SCLT1: variants seen among roughly 807,000 people sequenced by gnomAD.
The protein encoded by SCLT1 is sodium channel and clathrin linker 1.
SCLT1 carries 78 observed loss-of-function variants against 112.8 expected under a neutral mutation model. The ratio of observed to expected loss-of-function variants is 0.69; its 90% CI spans 0.58 to 0.83. The LOEUF (loss-of-function observed/expected upper bound fraction) is 0.83. Among genes scored for constraint, SCLT1 ranks in the 40% least tolerant of loss-of-function variants. The pLI is 0.00. For synonymous variants in SCLT1, 257 were observed against 254.7 expected (o/e 1.01, Z -0.09); for missense variants, 747 against 770.4 (o/e 0.97, Z 0.36).
chr4:129,010,802 T>A (rs532982150), intron 5 of SCLT1, among the ~76,000 whole-genome samples: 1 of 152,330 alleles, frequency 6.6e-6, no homozygotes, highest in South Asian at 2.1e-4. Context: ...AAGTTGTTTG[T>A]CAGTTTAAGA....
At chr4:128,974,136 G>A (rs1740943521) in intron 9 of SCLT1, among the ~76,000 whole-genome samples, 1 of 152,096 alleles carries the variant, frequency 6.6e-6, no homozygotes, top group Non-Finnish European at 1.5e-5. Flanking sequence ...AAATTTTACT[G>A]TAGTTTATAC....
At chr4:128,931,650 G>A (rs1213383207) in intron 18 of SCLT1, among the ~76,000 whole-genome samples, 1 of 152,028 alleles carries the variant, frequency 6.6e-6, no homozygotes, top group Admixed American at 6.6e-5. Flanking sequence ...TTTTAGTAGG[G>A]ACAGGGTTTC....
At chr4:129,059,752 C>T (rs530373154) in intron 2 of SCLT1, among the ~76,000 whole-genome samples, 35 of 152,266 alleles carry the variant, frequency 2.3e-4, no homozygotes, top group African/African-American at 7.7e-4. Context: ...TGACTTGCTG[C>T]TTACCTCTGG....
intron 18 of SCLT1, among the ~76,000 whole-genome samples, chr4:128,901,110 A>C (rs4975279): frequency 6.6e-6 from 1 of 152,046 alleles, no homozygotes; most frequent in African/African-American, 2.4e-5. Context: ...GAAGTCAGTG[A>C]GGCAATTCCT....
chr4:129,009,369 C>T (rs1256962852), intron 5 of SCLT1, among the ~76,000 whole-genome samples: 3 of 151,980 alleles, frequency 2.0e-5, no homozygotes, highest in Non-Finnish European at 4.4e-5. Flanking sequence ...AAAAAATTAG[C>T]CAGGCATGGT....
chr4:129,073,098 C>A (rs1054658244), intron 2 of SCLT1, among the ~76,000 whole-genome samples: 1 of 152,116 alleles, frequency 6.6e-6, no homozygotes, highest in Non-Finnish European at 1.5e-5. Context: ...CCCAGCAAGT[C>A]TACTAGGCTC....
At chr4:128,991,621 A>T (rs926269781) in intron 9 of SCLT1, among the ~76,000 whole-genome samples, 7 of 151,746 alleles carry the variant, frequency 4.6e-5, no homozygotes, top group African/African-American at 1.7e-4. Context: ...AGCTAAAACA[A>T]CTCGAGAGGA....
downstream of SCLT1, among the ~76,000 whole-genome samples, chr4:128,879,044 G>GT (rs1732584874): frequency 6.6e-6 from 1 of 151,850 alleles, no homozygotes; most frequent in African/African-American, 2.4e-5. Flanking sequence ...GAGTTAATGG[G>GT]TGCAGCACAC....
At chr4:128,923,836 G>C (rs139702593) in intron 18 of SCLT1, among the ~76,000 whole-genome samples, 25 of 152,174 alleles carry the variant, frequency 1.6e-4, no homozygotes, top group Admixed American at 1.2e-3. Context: ...TTTTTGGAAA[G>C]AGTCTTGGTC....
intron 2 of SCLT1, among the ~76,000 whole-genome samples, chr4:129,052,332 C>T (rs558092427): frequency 3.3e-5 from 5 of 152,092 alleles, no homozygotes; most frequent in Admixed American, 6.5e-5. Context: ...TGGTAGAATC[C>T]GGCTGTGAAT....
chr4:128,973,326 T>C (rs941711875), intron 9 of SCLT1, among the ~76,000 whole-genome samples: 1 of 151,752 alleles, frequency 6.6e-6, no homozygotes, highest in African/African-American at 2.4e-5. Context: ...AAGGATCACA[T>C]CTTATTAATT....
At chr4:129,050,237 T>C (rs537194361) in intron 2 of SCLT1, among the ~76,000 whole-genome samples, 1 of 152,324 alleles carries the variant, frequency 6.6e-6, no homozygotes, top group African/African-American at 2.4e-5. Flanking sequence ...TTTATAATAC[T>C]TTAGGTATAT....
In SCLT1 at chr4:128,958,518, G is replaced by A. The variant is rs564760007; in HGVS notation, c.1047+1082C>T. Among the ~76,000 whole-genome samples, 11 of 152,170 alleles carry A rather than the reference G, an allele frequency of 7.2e-5. 1 individual carries two copies. In the South Asian group the frequency reaches 2.3e-3, roughly 32 times the overall value. On this transcript the variant is annotated intron_variant, in intron 12 of 20. Transcript: ENST00000281142. ...GAGTGAGAAGATTTGGGAGGAGGAT[G>A]GGCAATGAGTGTTCCTACTATTTTC...
rs116480495 is a variant in SCLT1 at position 129,004,832 on chromosome 4, A to C, written c.291-956T>G. 8.0e-3 allele frequency among the ~76,000 whole-genome samples: 1,211 copies of C among 151,750 alleles called. 15 individuals are homozygous for C. Among genetic ancestry groups the C allele is most frequent in the African/African-American group, 0.028 (1,161 of 41,568 alleles). On this transcript the variant is annotated intron_variant, in intron 5 of 20. Coordinates refer to ENST00000281142, the MANE Select transcript of SCLT1 (RefSeq NM_144643.4). ...GAAGGTAAACACTTTAGAAACAAAA[A>C]AATTAATTACTCTGAAGAAAGGACA... is the stretch of plus-strand genomic sequence containing the variant.
At chr4:129,056,887 T>C (rs1354379936) in intron 2 of SCLT1, among the ~76,000 whole-genome samples, 1 of 152,236 alleles carries the variant, frequency 6.6e-6, no homozygotes, top group Non-Finnish European at 1.5e-5. Flanking sequence ...ATGGTGAATG[T>C]GGGCATCCTG....
chr4:128,877,803 A>T (rs56117956), intron 3 of SCLT1, among the ~76,000 whole-genome samples: 2,212 of 152,282 alleles, frequency 0.015, 54 homozygotes, highest in African/African-American at 0.05. Flanking sequence ...ATGTTAATGC[A>T]CTGGTTAAAA....
intron 7 of SCLT1, among the ~76,000 whole-genome samples, chr4:128,998,334 G>A (rs1743183458): frequency 6.6e-6 from 1 of 151,660 alleles, no homozygotes; most frequent in African/African-American, 2.4e-5. Context: ...ACAAACCATG[G>A]CACAGGAGTT....
chr4:129,040,096 T>C (rs1747568747), intron 4 of SCLT1: 1 of 676,078 alleles, frequency 1.5e-6, no homozygotes, highest in East Asian at 2.7e-5. Context: ...TCTGCCAGCC[T>C]TTTTCTCTCT....
At chr4:129,068,033 C>T (rs1348176942) in intron 2 of SCLT1, among the ~76,000 whole-genome samples, 2 of 152,054 alleles carry the variant, frequency 1.3e-5, no homozygotes, top group African/African-American at 2.4e-5. Flanking sequence ...ATTGTGTCAT[C>T]CTTATGCTTT....
Sources: gnomAD v4.1 joint callset for allele counts (sites outside exome capture counted in the v4.1 genomes callset) on GRCh38, gnomAD v4.1.1 for gene constraint, MANE v1.5 for transcripts, NCBI Gene and HGNC (gene_info 2026-07-23, HGNC 2026-07-21) for gene names.